SLC39A8: variants seen among roughly 807,000 people sequenced by gnomAD.
The protein encoded by SLC39A8 is metal cation symporter ZIP8.
Under a neutral mutation model 40.4 loss-of-function variants are expected in SLC39A8, and 15 were observed. That is an observed-to-expected ratio of 0.37 (90% CI 0.25 to 0.57). The LOEUF (loss-of-function observed/expected upper bound fraction) is 0.57, where lower values mean the gene tolerates loss of function less well. SLC39A8 is among the 20% of genes least tolerant of loss of function. The pLI is 0.75. For synonymous variants in SLC39A8, 223 were observed against 221.6 expected (o/e 1.01, Z -0.06); for missense variants, 472 against 558.8 (o/e 0.84, Z 1.57).
Position 102,315,856 on chromosome 4 carries a change from A to C in SLC39A8, c.220-26T>G, listed in dbSNP as rs758184668. 1.2e-5 allele frequency: 19 copies of C among 1,581,026 alleles called. No individual in the cohort carries two copies. The South Asian group carries it at 2.1e-4, about 17-fold the overall frequency. On this transcript the variant is annotated intron_variant, in intron 2 of 8. Transcript: ENST00000356736. ...CTGAAATAGAATAAACAAAAAAAAA[A>C]TGTGATAATAATGTGTAAAAGCACA...
chr4:102,316,900 G>C (rs906742663), intron 2 of SLC39A8, among the ~76,000 whole-genome samples: 1 of 152,138 alleles, frequency 6.6e-6, no homozygotes, highest in Non-Finnish European at 1.5e-5. Flanking sequence ...CTTATAAAAA[G>C]AGACATCAAA....
chr4:102,251,629 T>C (rs1383921630), exon 12 of SLC39A8: 5 of 152,168 alleles, frequency 3.3e-5, no homozygotes, highest in Non-Finnish European at 5.9e-5. Context: ...AAAGAGCCCA[T>C]ATAGGGAAAA....
At chr4:102,300,853 T>C (rs1733895239) in intron 6 of SLC39A8, among the ~76,000 whole-genome samples, 1 of 151,974 alleles carries the variant, frequency 6.6e-6, no homozygotes, top group Non-Finnish European at 1.5e-5. Context: ...TAATACTTAC[T>C]CTCTTAAAGC....
intron 6 of SLC39A8, among the ~76,000 whole-genome samples, chr4:102,297,698 CT>C (rs979180478): frequency 6.6e-6 from 1 of 152,066 alleles, no homozygotes; most frequent in African/African-American, 2.4e-5. Flanking sequence ...AGTAAGATCA[CT>C]TGAGACCTGG....
At chr4:102,259,455 C>T (rs937867568), downstream of SLC39A8, 8 of 1,538,916 alleles carry the variant, frequency 5.2e-6, no homozygotes, top group Admixed American at 9.9e-5. Flanking sequence ...TTATTCTTAC[C>T]GTATATATCC....
chr4:102,295,521 C>T (rs760286151), intron 6 of SLC39A8, among the ~76,000 whole-genome samples: 1 of 151,980 alleles, frequency 6.6e-6, no homozygotes, highest in Non-Finnish European at 1.5e-5. Flanking sequence ...TACTAGCTGA[C>T]CTAAGAGTTG....
In SLC39A8 at chr4:102,315,712, C is replaced by G. The variant is rs1444255127; in HGVS notation, c.338G>C (p.Cys113Ser). The part of the protein sequence containing the change: ...AVLQQLNFHP[C>S]EDRPKHKTRP... ...TGTTTTGTGCTTGGGCCGATCCTCA[C>G]ATGGGTGAAAGTTCAATTGCTGTAA... Residue 113 changes from cysteine (C) to serine (S), a missense_variant, in exon 3 of 9, where the codon TGT (cysteine) becomes TCT (serine). By Grantham distance (112) the Cys-to-Ser change is moderately radical (BLOSUM62 -1). This residue lies in a region of SLC39A8 where 175 missense variants were observed against 160.5 expected (regional missense o/e 1.09). Coordinates refer to ENST00000356736, the MANE Select transcript of SLC39A8 (RefSeq NM_001135146.2). The G allele has an allele frequency of 6.2e-7, 1 of 1,612,980 alleles. No homozygotes were observed. Among genetic ancestry groups the G allele is most frequent in the Non-Finnish European group, 8.5e-7 (1 of 1,179,374 alleles).
At chr4:102,324,874 G>A (rs1196889813) in intron 2 of SLC39A8, among the ~76,000 whole-genome samples, 4 of 152,052 alleles carry the variant, frequency 2.6e-5, no homozygotes, top group South Asian at 2.1e-4. Flanking sequence ...CAAGTGAACC[G>A]TCCCATTAAT....
rs35230164 is a variant in SLC39A8 at position 102,329,027 on chromosome 4, C to CAA, written c.220-13199_220-13198dup. Among the ~76,000 whole-genome samples, 719 of 95,508 alleles carry CAA rather than the reference C, an allele frequency of 7.5e-3. 6 individuals carry two copies. Among genetic ancestry groups the CAA allele is most frequent in the Non-Finnish European group, 0.011 (554 of 48,748 alleles). The allele number at this position is 95,508 out of a possible 152,430, so 62.7% of individuals were successfully genotyped here. On this transcript the variant is annotated intron_variant, in intron 2 of 8. Transcript: ENST00000356736. ...TGGGTGACAGAGAGAGACTGAATCT[C>CAA]AAAAAAAAAAAAAAAAGACATATAT...
intron 5 of SLC39A8, 102 bp downstream of exon 5, chr4:102,304,887 A>G (rs532379219): frequency 2.0e-6 from 2 of 1,016,258 alleles, no homozygotes; most frequent in Non-Finnish European, 1.4e-6. Flanking sequence ...TAATAACTGG[A>G]CCATTCTCAT....
At chr4:102,295,424 T>C (rs1237484100) in intron 6 of SLC39A8, among the ~76,000 whole-genome samples, 1 of 152,064 alleles carries the variant, frequency 6.6e-6, no homozygotes, top group Non-Finnish European at 1.5e-5. Flanking sequence ...CTGACACCCA[T>C]AAGAAACTGA....
chr4:102,253,783 A>T (rs953281246), intron 11 of SLC39A8, among the ~76,000 whole-genome samples: 8 of 152,142 alleles, frequency 5.3e-5, no homozygotes, highest in Non-Finnish European at 1.2e-4. Flanking sequence ...ATATTTTCCC[A>T]TATGTATATG....
intron 6 of SLC39A8, among the ~76,000 whole-genome samples, chr4:102,297,076 T>C (rs1329509960): frequency 1.3e-5 from 2 of 152,094 alleles, no homozygotes; most frequent in African/African-American, 2.4e-5. Flanking sequence ...TAATTTAATT[T>C]AATTTTAAAA....
chr4:102,316,730 G>C (rs1374522573), intron 2 of SLC39A8, among the ~76,000 whole-genome samples: 1 of 152,106 alleles, frequency 6.6e-6, no homozygotes, highest in Non-Finnish European at 1.5e-5. Context: ...ACCCCAATAA[G>C]ACCTTAGCTA....
intron 2 of SLC39A8, among the ~76,000 whole-genome samples, chr4:102,322,421 C>T (rs1325984628): frequency 6.6e-6 from 1 of 152,040 alleles, no homozygotes; most frequent in Non-Finnish European, 1.5e-5. Context: ...CTGATGGATA[C>T]ATAAAGTAAT....
Position 102,315,759 on chromosome 4 carries a change from G to A in SLC39A8, c.291C>T (p.Phe97=). 6.2e-7 allele frequency: 1 copy of A among 1,613,362 alleles called. No homozygotes were observed. Among genetic ancestry groups the A allele is most frequent in the Non-Finnish European group, 8.5e-7 (1 of 1,179,562 alleles). Residue 97 remains phenylalanine, a synonymous_variant, in exon 3 of 9, where the codon TTC becomes TTT. Coordinates refer to ENST00000356736, the MANE Select transcript of SLC39A8 (RefSeq NM_001135146.2). ...GTAAGACTGCTGGACAGATGACAGA[G>A]AATTTGGAGCTGGTTATTTGGGTAG... is the stretch of plus-strand genomic sequence containing the variant. ...SNATQITSSK[F]SVICPAVLQQ...
rs116707845 is a variant in SLC39A8 at position 102,287,303 on chromosome 4, G to A, written c.840+17014C>T. Reference sequence around the variant, plus strand: ...TGGGCTTCATCAAGCGGCTGTCTAAGGGAATGATTAAAAACCATTGTTCTA... The same window carrying A: ...TGGGCTTCATCAAGCGGCTGTCTAAAGGAATGATTAAAAACCATTGTTCTA... On this transcript the variant is annotated intron_variant, in intron 6 of 8. Transcript: ENST00000356736. Among the ~76,000 whole-genome samples, 111 of 152,134 alleles carry A rather than the reference G, an allele frequency of 7.3e-4. 1 individual carries two copies. Among genetic ancestry groups the A allele is most frequent in the Non-Finnish European group, 1.3e-3 (91 of 68,002 alleles).
chr4:102,252,908 C>G (rs559986721), exon 12 of SLC39A8: 1 of 151,430 alleles, frequency 6.6e-6, no homozygotes, highest in South Asian at 2.1e-4. Context: ...ATACCTCTCT[C>G]CCAGATTCTG....
intron 2 of SLC39A8, among the ~76,000 whole-genome samples, chr4:102,338,735 T>G (rs976136398): frequency 1.3e-5 from 2 of 152,208 alleles, no homozygotes; most frequent in Non-Finnish European, 2.9e-5. Flanking sequence ...TGCCTGAGGT[T>G]CTACCACTTA....
Sources: gnomAD v4.1 joint callset for allele counts (sites outside exome capture counted in the v4.1 genomes callset) on GRCh38, gnomAD v4.1.1 for gene constraint, gnomAD v4.1.1 regional missense constraint, MANE v1.5 for transcripts, NCBI Gene and HGNC (gene_info 2026-07-23, HGNC 2026-07-21) for gene names.